The following CPLX2 variants were observed in gnomAD, a reference collection of about 807,000 sequenced individuals.
CPLX2 encodes complexin-2.
In CPLX2, 5 loss-of-function variants were observed where a neutral mutation model predicts 16.3. That is an observed-to-expected ratio of 0.31 (90% CI 0.16 to 0.64). The LOEUF (loss-of-function observed/expected upper bound fraction) is 0.64, where lower values mean the gene tolerates loss of function less well. Ranked by LOEUF, CPLX2 falls within the 30% of genes least tolerant of loss-of-function variation. The pLI is 0.79. For synonymous variants in CPLX2, 89 were observed against 73.2 expected, an observed-to-expected ratio of 1.22 and a Z score of -1.10; for missense variants, 144 against 181.4, an observed-to-expected ratio of 0.79 and a Z score of 1.18.
chr5:175,815,832 T>C (rs1181209041), intron 2 of CPLX2, among the ~76,000 whole-genome samples: 2 of 152,198 alleles, frequency 1.3e-5, no homozygotes, highest in East Asian at 3.9e-4. Flanking sequence ...CAAGTTCGTT[T>C]GTTTTTGTCT....
At chr5:175,812,252 T>C (rs1024767120) in intron 2 of CPLX2, among the ~76,000 whole-genome samples, 1 of 152,074 alleles carries the variant, frequency 6.6e-6, no homozygotes, top group African/African-American at 2.4e-5. Flanking sequence ...GCCAGCCCCA[T>C]CCCAGGCCCT....
chr5:175,864,395 C>T (rs953860087), intron 2 of CPLX2, among the ~76,000 whole-genome samples: 2 of 152,190 alleles, frequency 1.3e-5, no homozygotes, highest in African/African-American at 4.8e-5. Context: ...CTTTGAGCCT[C>T]CAATTCCATC....
chr5:175,799,539 C>CATATATATATATATATATATAT (rs70988299), intron 1 of CPLX2, among the ~76,000 whole-genome samples: 1 of 72,276 alleles, frequency 1.4e-5, no homozygotes, highest in Non-Finnish European at 2.6e-5. Context: ...TTGCAAATTT[C>CATATATATATATATATATATAT]ATATATATAT....
intron 2 of CPLX2, among the ~76,000 whole-genome samples, chr5:175,818,108 A>C (rs1758441139): frequency 6.6e-6 from 1 of 152,214 alleles, no homozygotes; most frequent in Admixed American, 6.5e-5. Flanking sequence ...GTAGATGATA[A>C]CATGGAAACC....
intron 2 of CPLX2, among the ~76,000 whole-genome samples, chr5:175,863,030 AAAG>A (rs558098297): frequency 3.2e-4 from 49 of 152,362 alleles, no homozygotes; most frequent in African/African-American, 1.1e-3. Context: ...GTTAGAAAGT[AAAG>A]AAGAAGGTAA....
chr5:175,832,461 G>A (rs549328762), intron 2 of CPLX2, among the ~76,000 whole-genome samples: 5 of 152,342 alleles, frequency 3.3e-5, no homozygotes, highest in African/African-American at 1.2e-4. Context: ...TGGGCTGCCT[G>A]CCTTCACAAC....
intron 2 of CPLX2, among the ~76,000 whole-genome samples, chr5:175,866,072 T>C (rs1179543944): frequency 6.6e-6 from 1 of 152,160 alleles, no homozygotes; most frequent in Non-Finnish European, 1.5e-5. Context: ...TGAGCATGCA[T>C]GGGTTTCACT....
chr5:175,879,722 C>T, intron 3 of CPLX2, 126 bp from the exon 4 acceptor site: 1 of 850,870 alleles, frequency 1.2e-6, no homozygotes, highest in Non-Finnish European at 2.0e-6. Flanking sequence ...CCCCACTTTA[C>T]TAATGACAGG....
upstream of CPLX2, among the ~76,000 whole-genome samples, chr5:175,869,797 T>C (rs1759551059): frequency 6.6e-6 from 1 of 152,202 alleles, no homozygotes; most frequent in Non-Finnish European, 1.5e-5. Flanking sequence ...TCAAAGTCCA[T>C]CTTAAAGTGT....
chr5:175,797,935 G>T (rs1736005144), intron 1 of CPLX2, among the ~76,000 whole-genome samples: 1 of 152,202 alleles, frequency 6.6e-6, no homozygotes, highest in African/African-American at 2.4e-5. Context: ...GAGAGCTGAG[G>T]CTGGGAGGGC....
At position 175,872,572 on chromosome 5, in the gene CPLX2, C is replaced by G. The variant is rs930261389; in HGVS notation, c.-89+867C>G. ...GGCGCCGGGGTTCCTGTCCTCTCTTCTGGCCGGGAAACGGGAACCCCCGGC... is the reference window on the plus strand; with the variant it reads ...GGCGCCGGGGTTCCTGTCCTCTCTTGTGGCCGGGAAACGGGAACCCCCGGC... On this transcript the variant is annotated intron_variant, in intron 1 of 3. Transcript: ENST00000393745. The surrounding 1 kb of genome is among the most constrained non-coding windows in gnomAD (Gnocchi z 5.0). 6.6e-6 allele frequency among the ~76,000 whole-genome samples: 1 copy of G among 152,110 alleles called. No individual in the cohort carries two copies. The highest frequency in any genetic ancestry group is 1.5e-5 in the Non-Finnish European group (1 of 68,000).
chr5:175,839,300 T>G (rs947358813), intron 2 of CPLX2, among the ~76,000 whole-genome samples: 33 of 146,584 alleles, frequency 2.3e-4, no homozygotes, highest in South Asian at 1.1e-3. Context: ...TTGTTTGTTT[T>G]TTTGAGAAGG....
intron 2 of CPLX2, among the ~76,000 whole-genome samples, chr5:175,827,492 C>A (rs1433926171): frequency 3.3e-5 from 5 of 152,134 alleles, no homozygotes; most frequent in Non-Finnish European, 5.9e-5. Flanking sequence ...CAGTCCCTCA[C>A]GCCTGTAATC....
chr5:175,819,007 T>C (rs558936365), intron 2 of CPLX2, among the ~76,000 whole-genome samples: 14 of 152,300 alleles, frequency 9.2e-5, no homozygotes, highest in Non-Finnish European at 1.5e-4. Flanking sequence ...TTGAACTTCA[T>C]ATAAATGAAA....
intron 2 of CPLX2, among the ~76,000 whole-genome samples, chr5:175,821,564 T>C (rs780924276): frequency 7.2e-5 from 11 of 152,160 alleles, no homozygotes; most frequent in African/African-American, 1.9e-4. Flanking sequence ...CCTGTCACCA[T>C]GCCCGGCTAA....
intron 2 of CPLX2, among the ~76,000 whole-genome samples, chr5:175,816,642 G>C (rs867644241): frequency 6.6e-6 from 1 of 152,170 alleles, no homozygotes; most frequent in Non-Finnish European, 1.5e-5. Context: ...GGGAGCCAGG[G>C]GTCCAAAAGG....
At chr5:175,873,703 G>A (rs914803154) in intron 1 of CPLX2, among the ~76,000 whole-genome samples, 2 of 152,280 alleles carry the variant, frequency 1.3e-5, no homozygotes, top group South Asian at 2.1e-4. Context: ...TGATGACTGC[G>A]ATGATGTTAG....
chr5:175,833,409 C>T (rs557480210), intron 2 of CPLX2, among the ~76,000 whole-genome samples: 1 of 152,188 alleles, frequency 6.6e-6, no homozygotes, highest in African/African-American at 2.4e-5. Context: ...CAGAAGGCCT[C>T]TAGGGTGCTC....
At chr5:175,869,612 C>A (rs79707009), upstream of CPLX2, among the ~76,000 whole-genome samples, 2 of 152,162 alleles carry the variant, frequency 1.3e-5, no homozygotes, top group Non-Finnish European at 1.5e-5. Context: ...CGTTACTAAG[C>A]GGGGGAATTA....
Sources: gnomAD v4.1 joint callset for allele counts (sites outside exome capture counted in the v4.1 genomes callset) on GRCh38, gnomAD v4.1.1 for gene constraint, Gnocchi (gnomAD v3.1) non-coding constraint, MANE v1.5 for transcripts, NCBI Gene and HGNC (gene_info 2026-07-23, HGNC 2026-07-21) for gene names.